The following CDH22 variants were observed in gnomAD, a reference collection of about 807,000 sequenced individuals.
CDH22 encodes cadherin 22, also known as cadherin-22.
CDH22 carries 30 observed loss-of-function variants against 58.4 expected under a neutral mutation model. That is an observed-to-expected ratio of 0.51 (90% CI 0.38 to 0.70). The LOEUF is 0.70. Ranked by LOEUF, CDH22 falls within the 30% of genes least tolerant of loss-of-function variation. The pLI is 0.00. For missense variants in CDH22, 1,014 were observed against 1,233.9 expected, an observed-to-expected ratio of 0.82 and a Z score of 2.67; for synonymous variants, 513 against 558.2, an observed-to-expected ratio of 0.92 and a Z score of 1.14.
intron 7 of CDH22, among the ~76,000 whole-genome samples, chr20:46,204,690 T>C (rs955189958): frequency 1.8e-4 from 27 of 152,184 alleles, no homozygotes; most frequent in African/African-American, 6.5e-4. Context: ...CTCCCATGTC[T>C]GTTCAGAGCC....
At chr20:46,299,923 A>T (rs1214695694) in intron 1 of CDH22, among the ~76,000 whole-genome samples, 2 of 152,142 alleles carry the variant, frequency 1.3e-5, no homozygotes, top group African/African-American at 4.8e-5. Flanking sequence ...AAAAGTCATG[A>T]CAAGGCTCAT....
At chr20:46,252,048 C>G (rs940572904) in intron 1 of CDH22, among the ~76,000 whole-genome samples, 3 of 152,062 alleles carry the variant, frequency 2.0e-5, no homozygotes, top group Admixed American at 6.5e-5. Context: ...CCAGCCCTGC[C>G]CAGCCCCCAG....
At chr20:46,226,233 T>TTCTTCTTCTTCC (rs2086170528) in intron 4 of CDH22, among the ~76,000 whole-genome samples, 2 of 4,654 alleles carry the variant, frequency 4.3e-4, no homozygotes, top group East Asian at 1.5e-3. Flanking sequence ...TGGCAACACC[T>TTCTTCTTCTTCC]TCTTCTTCTT....
chr20:46,292,948 G>GTA (rs892389824), intron 1 of CDH22, among the ~76,000 whole-genome samples: 3 of 151,762 alleles, frequency 2.0e-5, no homozygotes, highest in African/African-American at 7.3e-5. Context: ...GTGTGTGTGT[G>GTA]TGTATGTGTG....
rs531696481 is a variant in CDH22 at position 46,230,899 on chromosome 20, T to G, written c.551-3272A>C. Among the ~76,000 whole-genome samples, 45 of 152,296 alleles carry G rather than the reference T, an allele frequency of 3.0e-4. 1 individual carries two copies. The South Asian group carries it at 8.7e-3, about 29-fold the overall frequency. On this transcript the variant is annotated intron_variant, in intron 3 of 11. Coordinates refer to ENST00000537909, the MANE Select transcript of CDH22 (RefSeq NM_021248.3). Reference sequence around the variant, plus strand: ...CACCTGGTGCAGGAGAGAGGCAGGTTTCAAACCCACGTGGATCTGATGTCA... The same window carrying G: ...CACCTGGTGCAGGAGAGAGGCAGGTGTCAAACCCACGTGGATCTGATGTCA...
intron 8 of CDH22, among the ~76,000 whole-genome samples, chr20:46,195,953 C>G (rs1160602673): frequency 6.6e-6 from 1 of 152,198 alleles, no homozygotes; most frequent in African/African-American, 2.4e-5. Flanking sequence ...CTTGTCACCT[C>G]ATGTTTATTA....
rs201443834 is a variant in CDH22 at position 46,211,158 on chromosome 20, CG to C, written c.1033-599del. Reference sequence around the variant, plus strand: ...TCCATGCTGAGCCTGTGCTTCTTATCGGGGGGTGCTAATGGGTGACCCTCTG... The same window carrying C: ...TCCATGCTGAGCCTGTGCTTCTTATCGGGGGTGCTAATGGGTGACCCTCTG... On this transcript the variant is annotated intron_variant, in intron 6 of 11. Transcript: ENST00000537909. Among the ~76,000 whole-genome samples, 581 of 152,304 alleles carry C rather than the reference CG, an allele frequency of 3.8e-3. 10 individuals carry two copies. Among genetic ancestry groups the C allele is most frequent in the Admixed American group, 0.026 (405 of 15,298 alleles).
intron 3 of CDH22, among the ~76,000 whole-genome samples, chr20:46,233,735 G>T (rs1347301843): frequency 6.6e-6 from 1 of 152,210 alleles, no homozygotes; most frequent in Non-Finnish European, 1.5e-5. Flanking sequence ...GGGCCATGGG[G>T]CCAACTCCTG....
chr20:46,295,243 T>C (rs1298872124), intron 1 of CDH22, among the ~76,000 whole-genome samples: 1 of 152,062 alleles, frequency 6.6e-6, no homozygotes, highest in Non-Finnish European at 1.5e-5. Flanking sequence ...CCAGAAAAAA[T>C]GTTTTTGCTT....
chr20:46,245,965 T>C (rs1429781050), intron 2 of CDH22, among the ~76,000 whole-genome samples: 5 of 152,158 alleles, frequency 3.3e-5, no homozygotes. Context: ...GAATTCTTTC[T>C]ACCACATCAA....
intron 2 of CDH22, among the ~76,000 whole-genome samples, chr20:46,250,014 A>C (rs2086358778): frequency 6.6e-6 from 1 of 152,016 alleles, no homozygotes; most frequent in African/African-American, 2.4e-5. Context: ...TGCCTCTGCC[A>C]CTCTGGGGAT....
chr20:46,288,819 G>T (rs2086587482), intron 1 of CDH22, among the ~76,000 whole-genome samples: 1 of 152,258 alleles, frequency 6.6e-6, no homozygotes, highest in African/African-American at 2.4e-5. Context: ...CACCTTCATT[G>T]TTAGCAGCCT....
Position 46,174,779 on chromosome 20 carries a change from C to T in CDH22, c.2214G>A (p.Pro738=), listed in dbSNP as rs1309786996. 2.0e-6 allele frequency: 3 copies of T among 1,515,336 alleles called. No homozygotes were observed. The highest frequency in any genetic ancestry group is 2.0e-5 in the Admixed American group (1 of 48,960). 93.9% of individuals were successfully genotyped at this position (1,515,336 alleles called of 1,614,324 possible). ...ACACTGAGAAGTCTGGCTCGGGGCT[C>T]GGCGGCCCCTGCGGCAGCGAGTGGC... ...SERHSLPQGP[P]SPEPDFSVFR... The change falls in exon 12 of 12, where the codon CCG becomes CCA. Residue 738 remains proline (P), a synonymous_variant. Coordinates refer to ENST00000537909, the MANE Select transcript of CDH22 (RefSeq NM_021248.3). This position sits in a 1 kb window ranked among gnomAD's most constrained non-coding sequence, Gnocchi z 4.4.
chr20:46,242,025 T>C (rs1169610394), intron 2 of CDH22, among the ~76,000 whole-genome samples: 1 of 152,076 alleles, frequency 6.6e-6, no homozygotes, highest in African/African-American at 2.4e-5. Flanking sequence ...CATTTTGGTA[T>C]ATGGAGAACC....
intron 1 of CDH22, among the ~76,000 whole-genome samples, chr20:46,268,529 G>A (rs563639663): frequency 1.3e-5 from 2 of 152,210 alleles, no homozygotes; most frequent in African/African-American, 2.4e-5. Context: ...CCCCACACAC[G>A]GGTTCCCTCC....
At chr20:46,296,426 A>G (rs1037910536) in intron 1 of CDH22, among the ~76,000 whole-genome samples, 4 of 152,246 alleles carry the variant, frequency 2.6e-5, no homozygotes, top group African/African-American at 4.8e-5. Flanking sequence ...AATGTATCCA[A>G]CAGGGATTGG....
intron 1 of CDH22, among the ~76,000 whole-genome samples, chr20:46,263,247 G>A (rs2086442468): frequency 6.6e-6 from 1 of 152,194 alleles, no homozygotes; most frequent in Non-Finnish European, 1.5e-5. Flanking sequence ...ACATGATGGG[G>A]TTGCCTGGTT....
At chr20:46,282,357 G>T (rs1406200944) in intron 1 of CDH22, among the ~76,000 whole-genome samples, 1 of 152,122 alleles carries the variant, frequency 6.6e-6, no homozygotes, top group Admixed American at 6.5e-5. Flanking sequence ...GATGCATGGG[G>T]CCAAGTGCCC....
At chr20:46,269,094 A>G (rs2086475489) in intron 1 of CDH22, among the ~76,000 whole-genome samples, 2 of 152,176 alleles carry the variant, frequency 1.3e-5, no homozygotes, top group African/African-American at 4.8e-5. Context: ...CAGAAGGGTT[A>G]TTTTGACACT....
Sources: allele counts gnomAD v4.1 joint callset (sites outside exome capture counted in the v4.1 genomes callset), GRCh38; gene constraint gnomAD v4.1.1; non-coding constraint Gnocchi (gnomAD v3.1); transcripts MANE v1.5; gene names NCBI Gene and HGNC (gene_info 2026-07-23, HGNC 2026-07-21).